CLEC7A: variants seen among roughly 807,000 people sequenced by gnomAD.
CLEC7A encodes C-type lectin domain family 7 member A.
CLEC7A carries 25 observed loss-of-function variants against 26.9 expected under a neutral mutation model. The ratio of observed to expected loss-of-function variants is 0.93; its 90% CI spans 0.68 to 1.30. CLEC7A has a LOEUF of 1.30. CLEC7A is among the 50% of genes most tolerant of loss of function. The probability of loss-of-function intolerance (pLI) is 0.00; values close to 1 mark genes in which losing one functional copy is unlikely to be tolerated. For synonymous variants in CLEC7A, 100 were observed against 99.5 expected (o/e 1.01, Z -0.03); for missense variants, 275 against 286.7 (o/e 0.96, Z 0.29).
chr12:10,121,292 TAAGAAA>T (rs1303072277), intron 5 of CLEC7A, among the ~76,000 whole-genome samples: 1 of 149,320 alleles, frequency 6.7e-6, no homozygotes, highest in East Asian at 2.0e-4. Context: ...AAAAACAGAA[TAAGAAA>T]AAGTGTTAAA....
At chr12:10,121,331 AG>A (rs995429459) in intron 5 of CLEC7A, among the ~76,000 whole-genome samples, 2 of 152,118 alleles carry the variant, frequency 1.3e-5, no homozygotes, top group Non-Finnish European at 2.9e-5. Flanking sequence ...GAGGAAAGAA[AG>A]GGGAAAAAAA....
intron 5 of CLEC7A, among the ~76,000 whole-genome samples, chr12:10,122,084 A>C (rs144543964): frequency 6.6e-6 from 1 of 152,324 alleles, no homozygotes; most frequent in African/African-American, 2.4e-5. Flanking sequence ...TAATGAAAGA[A>C]ATAATAAAAA....
chr12:10,130,046 C>T lies in CLEC7A; in HGVS notation c.37G>A (p.Asp13Asn). The change falls in exon 1 of 6, where the codon GAT becomes AAT. Residue 13 changes from aspartate to asparagine, a missense_variant. Coordinates refer to ENST00000304084, the MANE Select transcript of CLEC7A (RefSeq NM_197947.3). ...YHPDLENLDE[D>N]GYTQLHFDSQ... ...TCGAAGTGTAATTGAGTATATCCAT[C>T]TTCATCCAAATTTTCTAAATCAGGA... The T allele has an allele frequency of 1.9e-6, 3 of 1,609,334 alleles. No homozygotes were observed. Among genetic ancestry groups the T allele is most frequent in the Middle Eastern group, 1.7e-4 (1 of 6,040 alleles).
rs201480066 is a variant in CLEC7A, at chr12:10,126,628, G to C, written c.283C>G (p.Pro95Ala). 5 of 1,612,872 alleles carry C rather than the reference G, an allele frequency of 3.1e-6. No homozygotes were observed. The highest frequency in any genetic ancestry group is 2.7e-5 in the African/African-American group (2 of 74,920). The change falls in exon 3 of 6, where the codon CCC becomes GCC. Residue 95 changes from proline (P) to alanine (A), a missense_variant. By Grantham distance (27) the Pro-to-Ala change is conservative (BLOSUM62 -1). Transcript: ENST00000304084. ...LSRNKENHSQ[P>A]TQSSLEDSVT... Reference sequence around the variant, plus strand: ...CTGTCTTCTAAAGATGATTGTGTGGGTTGACTGTGGTTCTCTTTATTTCTT... The same window carrying C: ...CTGTCTTCTAAAGATGATTGTGTGGCTTGACTGTGGTTCTCTTTATTTCTT...
chr12:10,127,148 C>G, intron 2 of CLEC7A: 1 of 1,094,566 alleles, frequency 9.1e-7, no homozygotes, highest in South Asian at 1.5e-5. Flanking sequence ...CATGAAGACT[C>G]TCTGAAGGTG....
At chr12:10,129,642 G>A (rs1388791996) in intron 1 of CLEC7A, among the ~76,000 whole-genome samples, 1 of 151,842 alleles carries the variant, frequency 6.6e-6, no homozygotes, top group Non-Finnish European at 1.5e-5. Flanking sequence ...TTCAGAGATG[G>A]AGTCTTGCTC....
chr12:10,125,352 CT>C lies in CLEC7A; in HGVS notation c.436del (p.Arg146AspfsTer11), dbSNP rs756466830. On this transcript the variant is annotated frameshift_variant, in exon 4 of 6. Coordinates refer to ENST00000304084, the MANE Select transcript of CLEC7A (RefSeq NM_197947.3). LOFTEE classifies it high-confidence loss of function. ...ATTAGAGCCCAGTTGCCAGCATTGT[CT>C]TTTACTTCCATCCCAGGAATTTAGT... The part of the protein sequence containing the change: ...MSLNSWDGSK[R>X]QCWQLGSNLL... The C allele has an allele frequency of 6.2e-7, 1 of 1,613,718 alleles. No individual in the cohort carries two copies. The highest frequency in any genetic ancestry group is 8.5e-7 in the Non-Finnish European group (1 of 1,179,878).
intron 4 of CLEC7A, chr12:10,124,928 G>T (rs2137439852): frequency 5.2e-6 from 1 of 194,146 alleles, no homozygotes; most frequent in Non-Finnish European, 1.1e-5. Context: ...GCCAAGTATG[G>T]TGGCTTACAC....
At chr12:10,127,145 A>T in intron 2 of CLEC7A, 1 of 1,118,202 alleles carries the variant, frequency 8.9e-7, no homozygotes, top group Non-Finnish European at 1.2e-6. Context: ...TGTCATGAAG[A>T]CTCTCTGAAG....
chr12:10,122,187 G>GCACA (rs58931462), intron 5 of CLEC7A, among the ~76,000 whole-genome samples: 1 of 151,828 alleles, frequency 6.6e-6, no homozygotes, highest in Non-Finnish European at 1.5e-5. Flanking sequence ...ACACAGGTGT[G>GCACA]CACACACACA....
intron 1 of CLEC7A, among the ~76,000 whole-genome samples, chr12:10,128,397 T>G (rs1948379124): frequency 6.6e-6 from 1 of 152,202 alleles, no homozygotes; most frequent in Non-Finnish European, 1.5e-5. Context: ...TTCGGCACAT[T>G]GGCTTGATAA....
At chr12:10,125,054 A>T (rs1158248815) in intron 4 of CLEC7A, 11 of 511,972 alleles carry the variant, frequency 2.1e-5, no homozygotes. Flanking sequence ...AAAAAACATT[A>T]GACGAGTGTG....
chr12:10,118,065 T>G lies in CLEC7A; in HGVS notation c.*393A>C, dbSNP rs1359134733. The G allele has an allele frequency of 5.8e-6, 1 of 173,276 alleles. No homozygotes were observed. Among genetic ancestry groups the G allele is most frequent in the African/African-American group, 2.4e-5 (1 of 41,562 alleles). The allele number at this position is 173,276 out of a possible 1,614,324, so 10.7% of individuals were successfully genotyped here. A position where few individuals can be genotyped will look rare whatever the true frequency, so the allele number is the denominator to read the frequency against. On this transcript the variant is annotated 3_prime_UTR_variant, in exon 6 of 6. Coordinates refer to ENST00000304084, the MANE Select transcript of CLEC7A (RefSeq NM_197947.3). Reference sequence around the variant, plus strand: ...AAAAACACCAAAAATTAGCCTGGCATGGTGGCATGCACCTGTAGTCCCAGC... The same window carrying G: ...AAAAACACCAAAAATTAGCCTGGCAGGGTGGCATGCACCTGTAGTCCCAGC...
At chr12:10,128,412 A>C (rs1014327860) in intron 1 of CLEC7A, among the ~76,000 whole-genome samples, 1 of 152,156 alleles carries the variant, frequency 6.6e-6, no homozygotes, top group African/African-American at 2.4e-5. Flanking sequence ...TGATAACTGT[A>C]TGCTCCTAAT....
chr12:10,121,957 G>A (rs182882537), intron 5 of CLEC7A, among the ~76,000 whole-genome samples: 2 of 152,234 alleles, frequency 1.3e-5, no homozygotes, highest in East Asian at 1.9e-4. Context: ...GCAGTGAGCC[G>A]AGATCGCCAT....
At chr12:10,126,404 G>C (rs960863016) in intron 3 of CLEC7A, 167 bp downstream of exon 3, 1 of 979,460 alleles carries the variant, frequency 1.0e-6, no homozygotes, top group African/African-American at 1.8e-5. Flanking sequence ...TCACCTTATT[G>C]TATATATGAC....
intron 5 of CLEC7A, among the ~76,000 whole-genome samples, chr12:10,120,499 G>T (rs1180047503): frequency 6.6e-6 from 1 of 151,458 alleles, no homozygotes; most frequent in Non-Finnish European, 1.5e-5. Context: ...AAGGAAGAAA[G>T]AAATAAACAA....
intron 1 of CLEC7A, among the ~76,000 whole-genome samples, chr12:10,129,395 G>A (rs1948414262): frequency 6.6e-6 from 1 of 152,072 alleles, no homozygotes; most frequent in Non-Finnish European, 1.5e-5. Context: ...CCTCACTGAT[G>A]AAATGTCTAT....
intron 5 of CLEC7A, among the ~76,000 whole-genome samples, chr12:10,121,255 A>G (rs1249712985): frequency 6.6e-6 from 1 of 150,966 alleles, no homozygotes; most frequent in Non-Finnish European, 1.5e-5. Flanking sequence ...AAGACATGAA[A>G]GAGCACATTC....
Sources: allele counts gnomAD v4.1 joint callset (sites outside exome capture counted in the v4.1 genomes callset), GRCh38; gene constraint gnomAD v4.1.1; transcripts MANE v1.5; gene names NCBI Gene and HGNC (gene_info 2026-07-23, HGNC 2026-07-21).